SCAMP1: variants seen among roughly 807,000 people sequenced by gnomAD.
SCAMP1 encodes the protein secretory carrier membrane protein 1.
SCAMP1 carries 15 observed loss-of-function variants against 41.8 expected under a neutral mutation model. The observed-to-expected ratio is 0.36, with a 90% CI of 0.24 to 0.55. The LOEUF (loss-of-function observed/expected upper bound fraction) is 0.55, where lower values mean the gene tolerates loss of function less well. Among genes scored for constraint, SCAMP1 ranks in the 20% least tolerant of loss-of-function variants. The pLI is 0.86. For missense variants in SCAMP1, 341 were observed against 412.6 expected, an observed-to-expected ratio of 0.83 and a Z score of 1.50; for synonymous variants, 135 against 136.8, an observed-to-expected ratio of 0.99 and a Z score of 0.09.
chr5:78,374,586 G>C (rs578019737), intron 1 of SCAMP1, among the ~76,000 whole-genome samples: 2 of 152,070 alleles, frequency 1.3e-5, no homozygotes, highest in South Asian at 4.1e-4. Flanking sequence ...TATTATTTAG[G>C]TTCATTACAT....
intron 1 of SCAMP1, among the ~76,000 whole-genome samples, chr5:78,365,060 G>C (rs116449032): frequency 6.6e-6 from 1 of 152,082 alleles, no homozygotes; most frequent in Non-Finnish European, 1.5e-5. Flanking sequence ...TAGGGTAATA[G>C]TACATTCTCT....
chr5:78,383,475 C>A (rs950076160), intron 1 of SCAMP1, among the ~76,000 whole-genome samples: 2 of 151,994 alleles, frequency 1.3e-5, no homozygotes, highest in African/African-American at 4.8e-5. Flanking sequence ...GTTGTGTTTG[C>A]TTTTGGGTTC....
chr5:78,435,148 A>C (rs1752716801), intron 6 of SCAMP1, among the ~76,000 whole-genome samples: 1 of 152,220 alleles, frequency 6.6e-6, no homozygotes, highest in Non-Finnish European at 1.5e-5. Context: ...AAATCATGAG[A>C]TCTATAAATA....
rs916340522 is a variant in SCAMP1, at chr5:78,478,369, G to C, written c.*2701G>C. ...TGATGTATATAGAAATTCCATGTTT[G>C]ATTTTTTAAAATATGTGTATAAGTC... On this transcript the variant is annotated 3_prime_UTR_variant, in exon 9 of 9. Coordinates refer to ENST00000621999, the MANE Select transcript of SCAMP1 (RefSeq NM_004866.6). The C allele has an allele frequency of 1.3e-5, 2 of 152,578 alleles. No individual in the cohort carries two copies. The highest frequency in any genetic ancestry group is 4.8e-5 in the African/African-American group (2 of 41,434). The allele number at this position is 152,578 out of a possible 1,614,324, so 9.5% of individuals were successfully genotyped here.
chr5:78,451,863 C>T, intron 7 of SCAMP1, among the ~76,000 whole-genome samples: 1 of 152,326 alleles, frequency 6.6e-6, no homozygotes, highest in East Asian at 1.9e-4. Context: ...CCATGTTGCC[C>T]AGGCAGGTCT....
At chr5:78,429,076 C>G (rs1046125824) in intron 6 of SCAMP1, among the ~76,000 whole-genome samples, 2 of 152,178 alleles carry the variant, frequency 1.3e-5, no homozygotes, top group Middle Eastern at 3.4e-3. Context: ...ATAATGTCTT[C>G]TGCAAATAAA....
At chr5:78,367,312 A>T (rs1184551461) in intron 1 of SCAMP1, among the ~76,000 whole-genome samples, 2 of 152,138 alleles carry the variant, frequency 1.3e-5, no homozygotes, top group African/African-American at 4.8e-5. Flanking sequence ...TTTGCTCACG[A>T]TTCTGTTAAT....
chr5:78,427,947 T>C (rs193058521), intron 6 of SCAMP1, among the ~76,000 whole-genome samples: 1 of 152,326 alleles, frequency 6.6e-6, no homozygotes, highest in East Asian at 1.9e-4. Context: ...ATTGGAGATA[T>C]AAGTTGTTTT....
chr5:78,385,329 C>G (rs750852765), intron 1 of SCAMP1, among the ~76,000 whole-genome samples: 2 of 152,010 alleles, frequency 1.3e-5, no homozygotes, highest in Non-Finnish European at 2.9e-5. Context: ...TTATTTGGAT[C>G]TTTTCTCTTT....
intron 6 of SCAMP1, among the ~76,000 whole-genome samples, chr5:78,439,528 T>A (rs1752861283): frequency 6.6e-6 from 1 of 152,230 alleles, no homozygotes. Context: ...TCTTTAAGAA[T>A]ATTGAATATT....
chr5:78,454,403 A>G (rs1260441929), intron 7 of SCAMP1, among the ~76,000 whole-genome samples: 3 of 152,046 alleles, frequency 2.0e-5, no homozygotes, highest in Admixed American at 6.5e-5. Context: ...GTGTTGTTGA[A>G]TTTTGTCAAA....
At chr5:78,450,248 A>AT (rs1198491867) in intron 7 of SCAMP1, among the ~76,000 whole-genome samples, 5 of 152,070 alleles carry the variant, frequency 3.3e-5, no homozygotes, top group African/African-American at 4.8e-5. Flanking sequence ...AAAACAGCAC[A>AT]TTTTTTCTAG....
intron 6 of SCAMP1, among the ~76,000 whole-genome samples, chr5:78,444,390 A>T (rs10075742): frequency 0.37 from 56,429 of 151,970 alleles, 12,590 homozygotes; most frequent in Non-Finnish European, 0.5. Context: ...CAGGCAAGAG[A>T]GTGTGTGCAG....
chr5:78,430,198 A>ATTTATAAATACT (rs1752578368), intron 6 of SCAMP1, among the ~76,000 whole-genome samples: 1 of 8,946 alleles, frequency 1.1e-4, no homozygotes, highest in African/African-American at 4.8e-4. Context: ...TTATAAATAC[A>ATTTATAAATACT]GTATTTATTT....
At chr5:78,411,039 C>A (rs989229363) in intron 2 of SCAMP1, among the ~76,000 whole-genome samples, 1 of 152,048 alleles carries the variant, frequency 6.6e-6, no homozygotes, top group Admixed American at 6.5e-5. Context: ...GGTTATTAGA[C>A]TTTTGTCAGA....
chr5:78,457,110 C>T (rs1753429179), intron 7 of SCAMP1, among the ~76,000 whole-genome samples: 1 of 142,988 alleles, frequency 7.0e-6, no homozygotes, highest in Non-Finnish European at 1.5e-5. Flanking sequence ...AAGTTTTCAA[C>T]TTCTTTGCCT....
At chr5:78,396,573 G>T (rs1439307361) in intron 2 of SCAMP1, among the ~76,000 whole-genome samples, 1 of 152,130 alleles carries the variant, frequency 6.6e-6, no homozygotes, top group East Asian at 1.9e-4. Flanking sequence ...AGAGGTCTGG[G>T]CTGGAAGATA....
intron 2 of SCAMP1, among the ~76,000 whole-genome samples, chr5:78,398,935 T>G (rs1473970046): frequency 1.3e-5 from 2 of 152,194 alleles, no homozygotes; most frequent in African/African-American, 4.8e-5. Context: ...ACCGAATAGT[T>G]TCATTGCCTT....
intron 4 of SCAMP1, 110 bp from the exon 5 acceptor site, chr5:78,418,665 T>C (rs1157550779): frequency 2.8e-6 from 2 of 714,492 alleles, no homozygotes; most frequent in East Asian, 3.0e-5. Flanking sequence ...TCTACAGTTT[T>C]TCTGAACTTT....
Sources: gnomAD v4.1 joint callset for allele counts (sites outside exome capture counted in the v4.1 genomes callset) on GRCh38, gnomAD v4.1.1 for gene constraint, MANE v1.5 for transcripts, NCBI Gene and HGNC (gene_info 2026-07-23, HGNC 2026-07-21) for gene names.